The following SESN1 variants were observed in gnomAD, a reference collection of about 807,000 sequenced individuals.
The protein encoded by SESN1 is sestrin-1.
A neutral mutation model predicts 59.3 loss-of-function variants in SESN1; 30 were observed. The observed-to-expected ratio is 0.51, with a 90% CI of 0.38 to 0.69. The LOEUF (loss-of-function observed/expected upper bound fraction) is 0.69. SESN1 is among the 30% of genes least tolerant of loss of function. The pLI, the probability that SESN1 is intolerant of heterozygous loss-of-function variation, is 0.00. For synonymous variants in SESN1, 197 were observed against 219.9 expected (o/e 0.90, Z 0.92); for missense variants, 566 against 673.0 (o/e 0.84, Z 1.76).
chr6:109,004,983 A>G (rs1467245238), intron 1 of SESN1, among the ~76,000 whole-genome samples: 1 of 152,202 alleles, frequency 6.6e-6, no homozygotes, highest in African/African-American at 2.4e-5. Context: ...TATAGAGAAT[A>G]TATTACTACA....
chr6:109,013,142 T>G (rs1000909389), intron 1 of SESN1, among the ~76,000 whole-genome samples: 9 of 152,056 alleles, frequency 5.9e-5, no homozygotes, highest in African/African-American at 2.2e-4. Flanking sequence ...AGTGTTAAGC[T>G]TCATTAAAGA....
rs1780443830 is a variant in SESN1, at chr6:109,046,610, C to G, written c.280-44267G>C. ...TCTGGAAAGTGAGGAGCGTCTGCGCCCGGCCGCCATCCCATCTAGGAAGTG... is the reference window on the plus strand; with the variant it reads ...TCTGGAAAGTGAGGAGCGTCTGCGCGCGGCCGCCATCCCATCTAGGAAGTG... On this transcript the variant is annotated intron_variant, in intron 1 of 9. Transcript: ENST00000436639. Among the ~76,000 whole-genome samples, 5 of 141,980 alleles carry G rather than the reference C, an allele frequency of 3.5e-5. 1 individual carries two copies. Among genetic ancestry groups the G allele is most frequent in the Admixed American group, 3.4e-4 (5 of 14,518 alleles). 93.1% of individuals were successfully genotyped at this position (141,980 alleles called of 152,430 possible).
chr6:109,057,899 A>G (rs1313245010), intron 1 of SESN1, among the ~76,000 whole-genome samples: 1 of 152,196 alleles, frequency 6.6e-6, no homozygotes, highest in African/African-American at 2.4e-5. Context: ...GCTTTATCAT[A>G]TGAATTCCAG....
intron 1 of SESN1, among the ~76,000 whole-genome samples, chr6:109,052,982 T>C (rs1780567247): frequency 6.6e-6 from 1 of 152,078 alleles, no homozygotes; most frequent in African/African-American, 2.4e-5. Context: ...TTGTAAATGT[T>C]AGGAATAAGA....
chr6:109,046,243 GCCGCCA>G (rs1562467511), intron 1 of SESN1, among the ~76,000 whole-genome samples: 2 of 150,866 alleles, frequency 1.3e-5, no homozygotes, highest in Non-Finnish European at 3.0e-5. Context: ...GCAGGCACGC[GCCGCCA>G]CGCCTGACTG....
chr6:109,080,284 T>A (rs1474909774), intron 1 of SESN1, among the ~76,000 whole-genome samples: 1 of 152,208 alleles, frequency 6.6e-6, no homozygotes, highest in African/African-American at 2.4e-5. Context: ...GAATGCTCTT[T>A]TAACTTTCAA....
At chr6:108,994,656 TATATG>T (rs1779466024) in intron 5 of SESN1, 47 bp from the exon 6 acceptor site, 1 of 1,425,752 alleles carries the variant, frequency 7.0e-7, no homozygotes, top group Non-Finnish European at 9.5e-7. Context: ...ACATAGAATA[TATATG>T]AATTATCTTT....
chr6:108,985,354 G>T lies in SESN1; in HGVS notation c.*2190C>A, dbSNP rs2128525281. 6.6e-6 allele frequency among the ~76,000 whole-genome samples: 1 copy of T among 152,160 alleles called. No individual in the cohort carries two copies. The highest frequency in any genetic ancestry group is 1.9e-4 in the East Asian group (1 of 5,170). The stretch of plus-strand genomic sequence containing the variant: ...AAATCTTCTCATGATTATTTTAGAA[G>T]AAAATTTTCCTCTGGTTGGGGAAGG... On this transcript the variant is annotated 3_prime_UTR_variant, in exon 10 of 10. Transcript: ENST00000436639.
At chr6:109,085,230 C>A (rs1169163917) in intron 1 of SESN1, among the ~76,000 whole-genome samples, 1 of 151,988 alleles carries the variant, frequency 6.6e-6, no homozygotes, top group East Asian at 1.9e-4. Context: ...CCTAGAAATA[C>A]AATCACTGGC....
chr6:109,035,449 T>G (rs748952237), intron 1 of SESN1, among the ~76,000 whole-genome samples: 1 of 151,568 alleles, frequency 6.6e-6, no homozygotes. Flanking sequence ...AAAGCTGACA[T>G]ATGGAGTAGG....
In SESN1 at chr6:109,002,879, G is replaced by C. The variant is rs958913088; in HGVS notation, c.280-536C>G. ...CAGCACTACAGGGCATGTTTTCTCT[G>C]CAGTTAAATAATTTTAGAGAAACTC... On this transcript the variant is annotated intron_variant, in intron 1 of 9. Coordinates refer to ENST00000436639, the MANE Select transcript of SESN1 (RefSeq NM_014454.3). 2.6e-5 allele frequency among the ~76,000 whole-genome samples: 4 copies of C among 152,152 alleles called. No homozygotes were observed. In the East Asian group the frequency reaches 7.7e-4, roughly 29 times the overall value.
At chr6:108,992,696 G>A (rs1205191117) in intron 7 of SESN1, 91 bp downstream of exon 7, 9 of 799,670 alleles carry the variant, frequency 1.1e-5, no homozygotes, top group African/African-American at 3.4e-5. Flanking sequence ...AAAGCACTTA[G>A]CATAGTTCTC....
intron 1 of SESN1, among the ~76,000 whole-genome samples, chr6:109,090,365 T>A (rs1781291563): frequency 6.6e-6 from 1 of 152,164 alleles, no homozygotes; most frequent in African/African-American, 2.4e-5. Context: ...ACAAGGGGGT[T>A]AGGGGGCCAA....
intron 1 of SESN1, among the ~76,000 whole-genome samples, chr6:109,026,794 C>T (rs1037572523): frequency 3.9e-5 from 6 of 152,178 alleles, no homozygotes; most frequent in South Asian, 2.1e-4. Context: ...TGAGCCACTG[C>T]GCCCGGCCAG....
intron 4 of SESN1, 59 bp from the exon 5 acceptor site, chr6:108,998,814 G>A: frequency 6.7e-7 from 1 of 1,492,212 alleles, no homozygotes; most frequent in East Asian, 2.3e-5. Context: ...AAAGTATACA[G>A]TTCATTTTAG....
intron 1 of SESN1, among the ~76,000 whole-genome samples, chr6:109,075,059 T>C (rs1781009481): frequency 6.6e-6 from 1 of 152,144 alleles, no homozygotes; most frequent in Admixed American, 6.6e-5. Flanking sequence ...TTGTTCAGGC[T>C]GGTGTGAGGC....
chr6:109,050,355 A>G (rs1230316328), intron 1 of SESN1, among the ~76,000 whole-genome samples: 1 of 151,928 alleles, frequency 6.6e-6, no homozygotes, highest in Non-Finnish European at 1.5e-5. Context: ...TCCAGCCTAG[A>G]AAAGACACAC....
chr6:109,040,381 T>G (rs1435559215), intron 1 of SESN1, among the ~76,000 whole-genome samples: 4 of 152,214 alleles, frequency 2.6e-5, no homozygotes, highest in African/African-American at 9.6e-5. Flanking sequence ...GAAGAAGGAT[T>G]AAAAGGTTTC....
intron 1 of SESN1, among the ~76,000 whole-genome samples, chr6:109,045,203 G>T (rs908792076): frequency 1.3e-5 from 2 of 152,022 alleles, no homozygotes; most frequent in Non-Finnish European, 2.9e-5. Context: ...GTCAAGTTCT[G>T]AATATTCTAC....
Sources: allele counts gnomAD v4.1 joint callset (sites outside exome capture counted in the v4.1 genomes callset), GRCh38; gene constraint gnomAD v4.1.1; transcripts MANE v1.5; gene names NCBI Gene and HGNC (gene_info 2026-07-23, HGNC 2026-07-21).